COL25A1: variants seen among roughly 807,000 people sequenced by gnomAD.
COL25A1 encodes collagen alpha-1(XXV) chain.
A neutral mutation model predicts 128.4 loss-of-function variants in COL25A1; 103 were observed. The ratio of observed to expected loss-of-function variants is 0.80; its 90% CI spans 0.68 to 0.94. The LOEUF is 0.94. COL25A1 is among the 40% of genes least tolerant of loss of function. The pLI, the probability that COL25A1 is intolerant of heterozygous loss-of-function variation, is 0.00. For synonymous variants in COL25A1, 279 were observed against 277.2 expected (o/e 1.01, Z -0.06); for missense variants, 745 against 840.0 (o/e 0.89, Z 1.40).
chr4:109,001,336 G>A (rs1755341334), intron 6 of COL25A1, among the ~76,000 whole-genome samples: 1 of 13,106 alleles, frequency 7.6e-5, no homozygotes, highest in Non-Finnish European at 3.9e-4. Flanking sequence ...TTCGCAGCGT[G>A]CAGAATGGCA....
intron 6 of COL25A1, among the ~76,000 whole-genome samples, chr4:108,983,835 G>C (rs992454033): frequency 6.6e-6 from 1 of 152,156 alleles, no homozygotes; most frequent in Non-Finnish European, 1.5e-5. Context: ...GAGTGTTGCA[G>C]CTCATAATGG....
chr4:109,217,103 T>C (rs1183899459), intron 3 of COL25A1, among the ~76,000 whole-genome samples: 1 of 151,330 alleles, frequency 6.6e-6, no homozygotes, highest in Non-Finnish European at 1.5e-5. Flanking sequence ...ACAAATACTA[T>C]CTTTGGGATG....
intron 3 of COL25A1, among the ~76,000 whole-genome samples, chr4:109,128,488 G>A (rs941799873): frequency 5.3e-5 from 8 of 152,126 alleles, no homozygotes; most frequent in Admixed American, 1.3e-4. Flanking sequence ...TCAAACCAAT[G>A]TAGCCTCCAT....
At chr4:108,919,228 A>C (rs1216576345) in intron 12 of COL25A1, among the ~76,000 whole-genome samples, 1 of 152,206 alleles carries the variant, frequency 6.6e-6, no homozygotes, top group Non-Finnish European at 1.5e-5. Flanking sequence ...TACTAAAAAA[A>C]CAGTAATTAT....
chr4:108,835,861 C>CTTGTTTTTTTTTTTTTTTTTTTT (rs1733731197), intron 31 of COL25A1, among the ~76,000 whole-genome samples: 1 of 45,698 alleles, frequency 2.2e-5, no homozygotes, highest in Admixed American at 3.5e-4. Context: ...TTACATACGT[C>CTTGTTTTTTTTTTTTTTTTTTTT]TTTTTTTTTT....
chr4:109,287,663 A>G (rs1007467318), intron 3 of COL25A1, among the ~76,000 whole-genome samples: 6 of 152,130 alleles, frequency 3.9e-5, no homozygotes, highest in Non-Finnish European at 8.8e-5. Flanking sequence ...CATAGCCCCT[A>G]TTCTGACATA....
chr4:108,942,278 T>C (rs1302607300), intron 8 of COL25A1: 2 of 1,549,980 alleles, frequency 1.3e-6, no homozygotes, highest in Non-Finnish European at 8.7e-7. Context: ...CCTATGGACA[T>C]AGCACAGCAC....
At chr4:108,945,548 T>A (rs908987280) in intron 8 of COL25A1, among the ~76,000 whole-genome samples, 1 of 147,236 alleles carries the variant, frequency 6.8e-6, no homozygotes, top group Non-Finnish European at 1.5e-5. Context: ...TGGTTTTGCA[T>A]CTTAGAAAAT....
intron 35 of COL25A1, chr4:108,819,951 C>T (rs1048645929): frequency 1.7e-5 from 15 of 888,858 alleles, no homozygotes; most frequent in South Asian, 5.7e-5. Flanking sequence ...GGGAAAATAA[C>T]GGTAATTCAA....
intron 11 of COL25A1, among the ~76,000 whole-genome samples, chr4:108,935,956 T>C (rs936338876): frequency 4.6e-5 from 7 of 152,140 alleles, no homozygotes; most frequent in Non-Finnish European, 1.0e-4. Context: ...ATCTGAGTAG[T>C]CTGTGCACAC....
intron 6 of COL25A1, among the ~76,000 whole-genome samples, chr4:108,992,468 A>G (rs1754321355): frequency 1.3e-5 from 2 of 152,232 alleles, no homozygotes; most frequent in South Asian, 4.1e-4. Context: ...TATTAGTGGA[A>G]GAATATTGAT....
intron 8 of COL25A1, among the ~76,000 whole-genome samples, chr4:108,947,705 T>C (rs1373691361): frequency 6.6e-6 from 1 of 152,150 alleles, no homozygotes; most frequent in Non-Finnish European, 1.5e-5. Context: ...ATACTCTACT[T>C]TGCTGTTTAT....
At chr4:109,062,571 A>C (rs973304548) in intron 3 of COL25A1, among the ~76,000 whole-genome samples, 1 of 104,582 alleles carries the variant, frequency 9.6e-6, no homozygotes, top group African/African-American at 3.1e-5. Flanking sequence ...TAAATTCTGT[A>C]CACAAAGCTT....
intron 3 of COL25A1, among the ~76,000 whole-genome samples, chr4:109,063,169 T>C (rs917766606): frequency 7.9e-5 from 12 of 152,268 alleles, no homozygotes; most frequent in Non-Finnish European, 1.3e-4. Context: ...GAGAAAAGTG[T>C]TGAGAAAAGG....
intron 5 of COL25A1, among the ~76,000 whole-genome samples, chr4:109,021,562 T>C (rs1341866187): frequency 1.3e-5 from 2 of 152,086 alleles, no homozygotes; most frequent in African/African-American, 4.8e-5. Context: ...ATGAAATCAG[T>C]GCACCTTGAA....
chr4:109,163,357 T>C (rs1456651919), intron 3 of COL25A1, among the ~76,000 whole-genome samples: 2 of 152,210 alleles, frequency 1.3e-5, no homozygotes, highest in Non-Finnish European at 2.9e-5. Context: ...CTGCCCAAAA[T>C]TGTTTCCACC....
At position 109,032,211 on chromosome 4, in the gene COL25A1, G is replaced by A. The variant is rs142629488; in HGVS notation, c.420+15957C>T. On this transcript the variant is annotated intron_variant, in intron 5 of 37. Transcript: ENST00000399132. Reference sequence around the variant, plus strand: ...TGGAAATACTGAGACATACATTTGCGTCTGCCAGATTCCTGAGCCTAGGTT... The same window carrying A: ...TGGAAATACTGAGACATACATTTGCATCTGCCAGATTCCTGAGCCTAGGTT... Among the ~76,000 whole-genome samples the A allele has an allele frequency of 1.7e-4, 26 of 152,118 alleles. No homozygotes were observed. The East Asian group carries it at 2.1e-3, about 12-fold the overall frequency.
At chr4:109,277,879 T>C (rs904215739) in intron 3 of COL25A1, among the ~76,000 whole-genome samples, 1 of 152,168 alleles carries the variant, frequency 6.6e-6, no homozygotes, top group Non-Finnish European at 1.5e-5. Flanking sequence ...CTCAAGCCTC[T>C]AATCCCAGCA....
chr4:109,064,806 C>T (rs1762264860), intron 3 of COL25A1, among the ~76,000 whole-genome samples: 1 of 152,198 alleles, frequency 6.6e-6, no homozygotes, highest in Non-Finnish European at 1.5e-5. Context: ...ATGACCACAT[C>T]TGGTCTCTAG....
Sources: allele counts gnomAD v4.1 joint callset (sites outside exome capture counted in the v4.1 genomes callset), GRCh38; gene constraint gnomAD v4.1.1; transcripts MANE v1.5; gene names NCBI Gene and HGNC (gene_info 2026-07-23, HGNC 2026-07-21).